The following ATRNL1 variants were observed in gnomAD, a reference collection of about 807,000 sequenced individuals.
ATRNL1 encodes attractin-like protein 1.
ATRNL1 carries 95 observed loss-of-function variants against 182.7 expected under a neutral mutation model. The ratio of observed to expected loss-of-function variants is 0.52; its 90% CI spans 0.44 to 0.62. The LOEUF (loss-of-function observed/expected upper bound fraction) is 0.62. Among genes scored for constraint, ATRNL1 ranks in the 20% least tolerant of loss-of-function variants. ATRNL1 has a pLI of 0.00. For missense variants in ATRNL1, 1,471 were observed against 1,679.5 expected, an observed-to-expected ratio of 0.88 and a Z score of 2.17; for synonymous variants, 576 against 568.3, an observed-to-expected ratio of 1.01 and a Z score of -0.19.
intron 26 of ATRNL1, among the ~76,000 whole-genome samples, chr10:115,564,825 C>G (rs571997125): frequency 3.9e-5 from 6 of 151,912 alleles, no homozygotes; most frequent in Non-Finnish European, 7.4e-5. Context: ...ACATTACTTA[C>G]GCTAATAATA....
intron 19 of ATRNL1, among the ~76,000 whole-genome samples, chr10:115,380,459 T>G (rs1344700961): frequency 6.6e-6 from 1 of 152,148 alleles, no homozygotes; most frequent in Non-Finnish European, 1.5e-5. Context: ...TAATCTACCT[T>G]TAAAATGTTT....
rs1309728200 is a variant in ATRNL1 at position 115,119,610 on chromosome 10, A to AT, written c.294-567dup. On this transcript the variant is annotated intron_variant, in intron 1 of 28. Coordinates refer to ENST00000355044, the MANE Select transcript of ATRNL1 (RefSeq NM_207303.4). ...TTTTATGCATAAAATAGAAGATACA[A>AT]TTTTTTTTATTTGTCCTGTTTTAAA... 7.2e-5 allele frequency among the ~76,000 whole-genome samples: 11 copies of AT among 151,982 alleles called. No homozygotes were observed. The South Asian group carries it at 1.9e-3, about 26-fold the overall frequency.
intron 19 of ATRNL1, among the ~76,000 whole-genome samples, chr10:115,361,958 G>A (rs181202881): frequency 1.9e-3 from 294 of 151,910 alleles, no homozygotes; most frequent in African/African-American, 6.3e-3. Context: ...CTTTTTTATC[G>A]AAGAAAGAAT....
intron 8 of ATRNL1, among the ~76,000 whole-genome samples, chr10:115,207,622 A>G (rs1156398246): frequency 1.3e-5 from 2 of 151,318 alleles, no homozygotes; most frequent in African/African-American, 4.9e-5. Flanking sequence ...TTCTATTTTG[A>G]TAGTTTTCCT....
At position 115,863,470 on chromosome 10, in the gene ATRNL1, T is replaced by C. The variant is rs147436919; in HGVS notation, c.4018+15479T>C. Among the ~76,000 whole-genome samples the C allele has an allele frequency of 7.0e-3, 1,070 of 152,272 alleles. 6 individuals are homozygous for C. Among genetic ancestry groups the C allele is most frequent in the Non-Finnish European group, 0.011 (732 of 68,018 alleles). ...ACACTATTTAATGTCCATGCTAGGA[T>C]TGAACAAAGTAAATATTTTCTGGGT... On this transcript the variant is annotated intron_variant, in intron 28 of 28. Transcript: ENST00000355044.
chr10:115,309,438 C>G (rs181321586), intron 17 of ATRNL1, among the ~76,000 whole-genome samples: 1 of 152,132 alleles, frequency 6.6e-6, no homozygotes, highest in Non-Finnish European at 1.5e-5. Context: ...TTTTTGTCAT[C>G]TATGATTTCT....
chr10:115,185,002 TA>T (rs1344576438), intron 8 of ATRNL1, among the ~76,000 whole-genome samples: 1 of 151,966 alleles, frequency 6.6e-6, no homozygotes, highest in Non-Finnish European at 1.5e-5. Flanking sequence ...TAAGTAAATA[TA>T]TTTTTTTGGG....
intron 26 of ATRNL1, among the ~76,000 whole-genome samples, chr10:115,628,584 A>C (rs1555025379): frequency 6.6e-6 from 1 of 152,144 alleles, no homozygotes; most frequent in Non-Finnish European, 1.5e-5. Flanking sequence ...ATTTTGATGA[A>C]GTTCAATTTA....
In ATRNL1 at chr10:115,704,394, CTAAT is replaced by C. The variant is rs200977808; in HGVS notation, c.3796-22851_3796-22848del. On this transcript the variant is annotated intron_variant, in intron 26 of 28. Transcript: ENST00000355044. ...ACCCCATTTTATTGTGACATATTAA[CTAAT>C]TACATCTGCAATGGCCCTATTTCCA... is the stretch of plus-strand genomic sequence containing the variant. Among the ~76,000 whole-genome samples the C allele has an allele frequency of 9.0e-3, 1,361 of 152,038 alleles. 13 individuals are homozygous for C. Among genetic ancestry groups the C allele is most frequent in the Admixed American group, 0.016 (242 of 15,212 alleles).
chr10:115,520,293 G>T (rs967716388), intron 25 of ATRNL1, among the ~76,000 whole-genome samples: 2 of 152,122 alleles, frequency 1.3e-5, no homozygotes, highest in African/African-American at 4.8e-5. Context: ...TCATCTTTTT[G>T]ATTGTCTTGT....
At chr10:115,771,431 C>T (rs577554394) in intron 27 of ATRNL1, among the ~76,000 whole-genome samples, 10 of 152,120 alleles carry the variant, frequency 6.6e-5, no homozygotes, top group Admixed American at 2.6e-4. Context: ...GGGGTTTCAC[C>T]GTGTTAGCCA....
chr10:115,304,718 A>G (rs1853641905), intron 17 of ATRNL1, among the ~76,000 whole-genome samples: 1 of 151,770 alleles, frequency 6.6e-6, no homozygotes, highest in Non-Finnish European at 1.5e-5. Flanking sequence ...CTAGCCTTTT[A>G]ATATGCAAAT....
intron 27 of ATRNL1, among the ~76,000 whole-genome samples, chr10:115,760,768 G>A (rs1948715354): frequency 6.6e-6 from 1 of 152,172 alleles, no homozygotes; most frequent in African/African-American, 2.4e-5. Flanking sequence ...TTGTTTGAAA[G>A]GTTATCAAGT....
chr10:115,839,198 A>T (rs1428561751), intron 27 of ATRNL1, among the ~76,000 whole-genome samples: 3 of 152,118 alleles, frequency 2.0e-5, no homozygotes. Flanking sequence ...AACAGATTTG[A>T]CTAATAGTTT....
intron 26 of ATRNL1, among the ~76,000 whole-genome samples, chr10:115,614,517 T>G (rs1293442872): frequency 2.6e-5 from 4 of 152,174 alleles, no homozygotes; most frequent in African/African-American, 9.6e-5. Context: ...GGCTGAAATA[T>G]TCTGTATATG....
intron 25 of ATRNL1, among the ~76,000 whole-genome samples, chr10:115,542,991 T>C (rs1554992477): frequency 6.6e-6 from 1 of 152,166 alleles, no homozygotes; most frequent in African/African-American, 2.4e-5. Context: ...CCTAATTATG[T>C]CCTAAAGGCC....
Position 115,286,225 on chromosome 10 carries a change from G to A in ATRNL1, c.2243G>A (p.Cys748Tyr), listed in dbSNP as rs1554918806. 1 of 1,552,712 alleles carries A rather than the reference G, an allele frequency of 6.4e-7. No individual in the cohort carries two copies. Among genetic ancestry groups the A allele is most frequent in the Non-Finnish European group, 8.8e-7 (1 of 1,134,796 alleles). Reference sequence around the variant, plus strand: ...TTTTTTTTCTTACTAGCTCATCTTTGTGGAGAAGGATGGAGTCATATTGGG... The same window carrying A: ...TTTTTTTTCTTACTAGCTCATCTTTATGGAGAAGGATGGAGTCATATTGGG... ...QECQALPAHL[C>Y]GEGWSHIGDA... is the part of the protein sequence containing the mutation. The change falls in exon 15 of 29, where the codon TGT becomes TAT. Residue 748 changes from cysteine (C) to tyrosine (Y), a missense_variant. By Grantham distance (194) the Cys-to-Tyr change is radical. Transcript: ENST00000355044.
At chr10:115,446,887 T>G (rs1164148129) in intron 21 of ATRNL1, among the ~76,000 whole-genome samples, 1 of 151,886 alleles carries the variant, frequency 6.6e-6, no homozygotes, top group Non-Finnish European at 1.5e-5. Context: ...GTGGTTTGCT[T>G]GGATTTATGA....
intron 8 of ATRNL1, among the ~76,000 whole-genome samples, chr10:115,204,591 T>C (rs1469546460): frequency 2.0e-5 from 3 of 152,152 alleles, no homozygotes; most frequent in Non-Finnish European, 4.4e-5. Flanking sequence ...ATCACATTAA[T>C]TGATTTTTGC....
Sources: allele counts gnomAD v4.1 joint callset (sites outside exome capture counted in the v4.1 genomes callset), GRCh38; gene constraint gnomAD v4.1.1; transcripts MANE v1.5; gene names NCBI Gene and HGNC (gene_info 2026-07-23, HGNC 2026-07-21).